The following RALGAPA1 variants were observed in gnomAD, a reference collection of about 807,000 sequenced individuals.
RALGAPA1 encodes the protein Ral GTPase activating protein catalytic subunit alpha 1.
Under a neutral mutation model 269.6 loss-of-function variants are expected in RALGAPA1, and 52 were observed. The ratio of observed to expected loss-of-function variants is 0.19; its 90% confidence interval spans 0.15 to 0.24. The LOEUF (loss-of-function observed/expected upper bound fraction) is 0.24, where lower values mean the gene tolerates loss of function less well. Ranked by LOEUF, RALGAPA1 falls within the 10% of genes least tolerant of loss-of-function variation. The probability of loss-of-function intolerance (pLI) is 1.00; values close to 1 mark genes in which losing one functional copy is unlikely to be tolerated. For synonymous variants in RALGAPA1, 817 were observed against 1,008.3 expected (o/e 0.81, Z 3.60); for missense variants, 1,917 against 3,013.9 (o/e 0.64, Z 8.52).
At chr14:35,775,163 A>C (rs1440031933) in intron 2 of RALGAPA1, 108 bp from the exon 3 acceptor site, 1 of 674,440 alleles carries the variant, frequency 1.5e-6, no homozygotes, top group Non-Finnish European at 2.6e-6. Flanking sequence ...ATTATTTAGT[A>C]AAATGTTTAA....
At chr14:35,624,234 C>CATTGGTA (rs1566854168) in intron 35 of RALGAPA1, among the ~76,000 whole-genome samples, 2 of 137,594 alleles carry the variant, frequency 1.5e-5, no homozygotes, top group Non-Finnish European at 3.0e-5. Flanking sequence ...AAAAAGGAGT[C>CATTGGTA]CAGTGTTATA....
intron 37 of RALGAPA1, among the ~76,000 whole-genome samples, chr14:35,594,317 C>A (rs989857160): frequency 6.6e-6 from 1 of 152,032 alleles, no homozygotes; most frequent in East Asian, 1.9e-4. Context: ...AGGTAACAGT[C>A]AACAAAACGA....
intron 36 of RALGAPA1, among the ~76,000 whole-genome samples, chr14:35,601,482 T>C (rs2059288268): frequency 6.6e-6 from 1 of 152,200 alleles, no homozygotes; most frequent in Non-Finnish European, 1.5e-5. Context: ...AGGAATTGTC[T>C]GTGGTGTTTG....
intron 1 of RALGAPA1, among the ~76,000 whole-genome samples, chr14:35,797,829 G>T (rs915521847): frequency 1.4e-5 from 2 of 144,460 alleles, no homozygotes; most frequent in African/African-American, 5.2e-5. Flanking sequence ...TGGGAAACGA[G>T]CAAAATTACA....
intron 31 of RALGAPA1, among the ~76,000 whole-genome samples, chr14:35,642,166 T>G (rs1223463198): frequency 5.3e-5 from 8 of 152,090 alleles, no homozygotes; most frequent in Non-Finnish European, 1.0e-4. Context: ...TTGAGGAAAC[T>G]CTTGAGGGCA....
intron 31 of RALGAPA1, among the ~76,000 whole-genome samples, chr14:35,642,102 G>A (rs767709359): frequency 2.6e-5 from 4 of 152,036 alleles, no homozygotes; most frequent in Non-Finnish European, 5.9e-5. Context: ...AAATCAAAAC[G>A]CATTAGAGAC....
intron 16 of RALGAPA1, among the ~76,000 whole-genome samples, chr14:35,720,754 C>T (rs1292542434): frequency 1.3e-5 from 2 of 152,126 alleles, no homozygotes; most frequent in Non-Finnish European, 1.5e-5. Flanking sequence ...TAGCAAGACC[C>T]TGTCTCTATG....
intron 26 of RALGAPA1, among the ~76,000 whole-genome samples, chr14:35,669,224 C>T: frequency 6.6e-6 from 1 of 152,236 alleles, no homozygotes; most frequent in South Asian, 2.1e-4. Flanking sequence ...GTTACAAATC[C>T]TTATAAAATA....
intron 37 of RALGAPA1, among the ~76,000 whole-genome samples, chr14:35,588,299 C>T (rs2058436440): frequency 6.6e-6 from 1 of 152,160 alleles, no homozygotes; most frequent in Non-Finnish European, 1.5e-5. Flanking sequence ...TATTAAACAT[C>T]CATTTCAGAT....
At chr14:35,745,160 T>C (rs1397688126) in intron 10 of RALGAPA1, among the ~76,000 whole-genome samples, 1 of 152,116 alleles carries the variant, frequency 6.6e-6, no homozygotes, top group African/African-American at 2.4e-5. Flanking sequence ...GAGTGATAAT[T>C]TATCAATTTA....
chr14:35,652,320 A>G (rs1310813330), intron 30 of RALGAPA1, among the ~76,000 whole-genome samples: 1 of 151,886 alleles, frequency 6.6e-6, no homozygotes, highest in Non-Finnish European at 1.5e-5. Context: ...CTGTAATCCT[A>G]TCACCTGAAG....
intron 1 of RALGAPA1, among the ~76,000 whole-genome samples, chr14:35,807,471 T>C (rs1226564469): frequency 1.3e-5 from 2 of 152,184 alleles, no homozygotes; most frequent in East Asian, 3.8e-4. Context: ...AGATTAGCTG[T>C]CATAAATGTA....
At chr14:35,754,300 C>CT (rs1409612091) in intron 7 of RALGAPA1, among the ~76,000 whole-genome samples, 1 of 152,040 alleles carries the variant, frequency 6.6e-6, no homozygotes, top group Admixed American at 6.6e-5. Flanking sequence ...GAAAGACGAG[C>CT]TACTGGGAGA....
At chr14:35,554,386 G>A (rs1447995306) in intron 39 of RALGAPA1, among the ~76,000 whole-genome samples, 1 of 112,236 alleles carries the variant, frequency 8.9e-6, no homozygotes, top group African/African-American at 3.6e-5. Flanking sequence ...TCACTCTGTC[G>A]CCCAGGCTGG....
At chr14:35,716,266 G>A (rs1197759693) in intron 16 of RALGAPA1, 7 of 164,584 alleles carry the variant, frequency 4.3e-5, no homozygotes, top group Non-Finnish European at 8.8e-5. Context: ...GGTGGTGTGC[G>A]CCTATAGTCC....
At chr14:35,738,474 G>T in intron 12 of RALGAPA1, 39 bp downstream of exon 12, 3 of 1,463,844 alleles carry the variant, frequency 2.0e-6, no homozygotes, top group South Asian at 1.4e-5. Context: ...AATATTTAAT[G>T]ATTATTTTAT....
intron 21 of RALGAPA1, among the ~76,000 whole-genome samples, chr14:35,681,564 T>G (rs1329776884): frequency 6.6e-6 from 1 of 152,240 alleles, no homozygotes; most frequent in Non-Finnish European, 1.5e-5. Flanking sequence ...CTTTTTCTTC[T>G]GTATATGGAA....
chr14:35,721,388 G>A (rs1158286706), intron 16 of RALGAPA1, among the ~76,000 whole-genome samples: 11 of 152,152 alleles, frequency 7.2e-5, no homozygotes. Flanking sequence ...TAATGCTTGA[G>A]TTCTGTAAAG....
intron 33 of RALGAPA1, 71 bp from the exon 34 acceptor site, chr14:35,628,022 A>T (rs2061097881): frequency 7.0e-7 from 1 of 1,435,296 alleles, no homozygotes; most frequent in East Asian, 2.3e-5. Context: ...ATGAAATATT[A>T]GACAACAAAT....
Sources: gnomAD v4.1 joint callset for allele counts (sites outside exome capture counted in the v4.1 genomes callset) on GRCh38, gnomAD v4.1.1 for gene constraint, MANE v1.5 for transcripts, NCBI Gene and HGNC (gene_info 2026-07-23, HGNC 2026-07-21) for gene names.